The following LARP4B variants were observed in gnomAD, a reference collection of about 807,000 sequenced individuals.
The protein encoded by LARP4B is La ribonucleoprotein 4B.
Under a neutral mutation model 89.8 loss-of-function variants are expected in LARP4B, and 12 were observed. The ratio of observed to expected loss-of-function variants is 0.13; its 90% CI spans 0.09 to 0.22. LARP4B has a LOEUF of 0.22. Ranked by LOEUF, LARP4B falls within the 10% of genes least tolerant of loss-of-function variation. The pLI is 1.00. For synonymous variants in LARP4B, 367 were observed against 363.3 expected, an observed-to-expected ratio of 1.01 and a Z score of -0.12; for missense variants, 757 against 947.7, an observed-to-expected ratio of 0.80 and a Z score of 2.64.
intron 5 of LARP4B, among the ~76,000 whole-genome samples, chr10:857,587 C>A (rs1156696679): frequency 2.6e-5 from 4 of 152,306 alleles, no homozygotes; most frequent in African/African-American, 7.2e-5. Flanking sequence ...GTCGGGTGGC[C>A]GGTCTGAAGA....
chr10:970,662 T>G, the LARP4B span, among the ~76,000 whole-genome samples: 1 of 152,302 alleles, frequency 6.6e-6, no homozygotes, highest in South Asian at 2.1e-4. Context: ...AATTCAGCCG[T>G]GTCAGCTTTG....
chr10:841,979 A>C (rs917905227), intron 7 of LARP4B, among the ~76,000 whole-genome samples: 1 of 146,910 alleles, frequency 6.8e-6, no homozygotes, highest in African/African-American at 2.5e-5. Flanking sequence ...TTCATACAAG[A>C]AAAAAAAAAA....
At chr10:901,528 C>T (rs1424391020) in intron 1 of LARP4B, among the ~76,000 whole-genome samples, 1 of 152,136 alleles carries the variant, frequency 6.6e-6, no homozygotes, top group African/African-American at 2.4e-5. Flanking sequence ...ATTTACAGAG[C>T]AACAGACTGC....
At position 854,459 on chromosome 10, in the gene LARP4B, G is replaced by A. The variant is rs192161189; in HGVS notation, c.430+9284C>T. Among the ~76,000 whole-genome samples the A allele has an allele frequency of 1.7e-4, 26 of 152,260 alleles. No homozygotes were observed. The East Asian group carries it at 3.7e-3, about 21-fold the overall frequency. On this transcript the variant is annotated intron_variant, in intron 5 of 17. Coordinates refer to ENST00000316157, the MANE Select transcript of LARP4B (RefSeq NM_015155.3). ...ATGACTCCTTGATCCATAGGCTACC[G>A]AATGGATGTTGTGTTAGCAGCCATG...
At position 926,208 on chromosome 10, in the gene LARP4B, C is replaced by A. The variant is rs1837128977; in HGVS notation, c.-40+5220G>T. 2.6e-5 allele frequency among the ~76,000 whole-genome samples: 4 copies of A among 152,186 alleles called. No individual in the cohort carries two copies. The East Asian group carries it at 5.8e-4, about 22-fold the overall frequency. On this transcript the variant is annotated intron_variant, in intron 1 of 17. Transcript: ENST00000316157. ...GAGAATCTCACTCACAAGGAGCTTA[C>A]ATTAATTATGTGCTAAGTAACACAA... is the stretch of plus-strand genomic sequence containing the variant.
intron 1 of LARP4B, among the ~76,000 whole-genome samples, chr10:899,939 C>T (rs1396997993): frequency 6.6e-6 from 1 of 151,956 alleles, no homozygotes; most frequent in Non-Finnish European, 1.5e-5. Flanking sequence ...CTTTCAATGT[C>T]CAAACAAAAT....
rs1164402577 is a variant in LARP4B, at chr10:812,541, T to A, written c.*385A>T. 45 of 133,014 alleles carry A rather than the reference T, an allele frequency of 3.4e-4. No homozygotes were observed. Among genetic ancestry groups the A allele is most frequent in the Non-Finnish European group, 5.1e-4 (32 of 62,894 alleles). The allele number at this position is 133,014 out of a possible 1,614,324, so 8.2% of individuals were successfully genotyped here. A position where few individuals can be genotyped will look rare whatever the true frequency, so the allele number is the denominator to read the frequency against. ...GATATGCACTTACAGACCAGTTACT[T>A]AAAAAAAAAAAAAAAAAGCAGAGTT... On this transcript the variant is annotated 3_prime_UTR_variant, in exon 18 of 18. Transcript: ENST00000316157.
chr10:911,131 T>C (rs761657053), intron 1 of LARP4B, among the ~76,000 whole-genome samples: 9 of 152,140 alleles, frequency 5.9e-5, no homozygotes, highest in Non-Finnish European at 1.2e-4. Flanking sequence ...CACAGGACAG[T>C]TGTGAGCAGC....
In LARP4B at chr10:845,061, T is replaced by A; in HGVS notation, c.431-6A>T. On this transcript the variant is annotated splice_polypyrimidine_tract_variant and splice_region_variant and intron_variant, in intron 5 of 17. Coordinates refer to ENST00000316157, the MANE Select transcript of LARP4B (RefSeq NM_015155.3). ...TGGTTGAGACTCATTTCCTCCTACA[T>A]AAAAGTAATAATCAACTTAGGAAAA... is the stretch of plus-strand genomic sequence containing the variant. 6.2e-7 allele frequency: 1 copy of A among 1,600,968 alleles called. No individual in the cohort carries two copies. Among genetic ancestry groups the A allele is most frequent in the Non-Finnish European group, 8.5e-7 (1 of 1,174,408 alleles).
the LARP4B span, among the ~76,000 whole-genome samples, chr10:948,542 C>T: frequency 9.9e-5 from 15 of 152,242 alleles, no homozygotes; most frequent in African/African-American, 2.4e-4. Flanking sequence ...CCCCCGCGCC[C>T]GGCCTCAGTG....
the LARP4B span, among the ~76,000 whole-genome samples, chr10:981,767 A>C: frequency 2.0e-5 from 3 of 151,986 alleles, no homozygotes; most frequent in African/African-American, 7.3e-5. Flanking sequence ...ATGGGGTTTC[A>C]TATCTTGGCC....
At chr10:836,877 G>A (rs12259527) in intron 7 of LARP4B, among the ~76,000 whole-genome samples, 279 of 152,246 alleles carry the variant, frequency 1.8e-3, no homozygotes, top group African/African-American at 6.6e-3. Flanking sequence ...CCTAACGGTC[G>A]TGCACTGTTT....
upstream of LARP4B, among the ~76,000 whole-genome samples, chr10:932,016 G>C (rs1181740688): frequency 8.4e-6 from 1 of 119,604 alleles, no homozygotes; most frequent in Admixed American, 9.0e-5. Flanking sequence ...CGGCGCGACC[G>C]GAGCGCCTGA....
chr10:888,202 C>T (rs1835917940), intron 1 of LARP4B, among the ~76,000 whole-genome samples: 1 of 152,052 alleles, frequency 6.6e-6, no homozygotes, highest in Admixed American at 6.6e-5. Context: ...TGCCTGGAGT[C>T]CCAGCTATTC....
chr10:933,978 G>T (rs909400355), upstream of LARP4B, among the ~76,000 whole-genome samples: 1 of 151,800 alleles, frequency 6.6e-6, no homozygotes, highest in African/African-American at 2.4e-5. Flanking sequence ...GACTACAGCC[G>T]CATGCCACCA....
intron 3 of LARP4B, among the ~76,000 whole-genome samples, chr10:875,162 G>A (rs1258500465): frequency 6.6e-6 from 1 of 152,136 alleles, no homozygotes; most frequent in African/African-American, 2.4e-5. Flanking sequence ...AAAATGAAAG[G>A]ACATAGTAAA....
intron 3 of LARP4B, among the ~76,000 whole-genome samples, chr10:882,383 G>A (rs995189400): frequency 6.6e-6 from 1 of 151,606 alleles, no homozygotes; most frequent in Non-Finnish European, 1.5e-5. Flanking sequence ...TACTAAATAG[G>A]GAAACCATTT....
At chr10:892,384 A>G (rs1253513087) in intron 1 of LARP4B, among the ~76,000 whole-genome samples, 2 of 152,184 alleles carry the variant, frequency 1.3e-5, no homozygotes, top group Non-Finnish European at 2.9e-5. Flanking sequence ...CAGTTTCTAA[A>G]AATTTCTTTT....
At chr10:888,990 T>C (rs1564432584) in intron 1 of LARP4B, among the ~76,000 whole-genome samples, 1 of 151,886 alleles carries the variant, frequency 6.6e-6, no homozygotes, top group Non-Finnish European at 1.5e-5. Flanking sequence ...GAGGCTGGGA[T>C]AGGAGGACCA....
Sources: gnomAD v4.1 joint callset for allele counts (sites outside exome capture counted in the v4.1 genomes callset) on GRCh38, gnomAD v4.1.1 for gene constraint, MANE v1.5 for transcripts, NCBI Gene and HGNC (gene_info 2026-07-23, HGNC 2026-07-21) for gene names.